The following KLHL13 variants were observed in gnomAD, a reference collection of about 807,000 sequenced individuals.
The protein encoded by KLHL13 is kelch like family member 13.
Under a neutral mutation model 37.1 loss-of-function variants are expected in KLHL13, and 10 were observed. The ratio of observed to expected loss-of-function variants is 0.27; its 90% CI spans 0.17 to 0.46. The LOEUF is 0.46. Among genes scored for constraint, KLHL13 ranks in the 20% least tolerant of loss-of-function variants. The pLI, the probability that KLHL13 is intolerant of heterozygous loss-of-function variation, is 1.00. For missense variants in KLHL13, 360 were observed against 509.3 expected (o/e 0.71, Z 2.82); for synonymous variants, 163 against 181.2 (o/e 0.90, Z 0.81).
At chrX:117,909,277 T>C (rs367943538) in intron 5 of KLHL13, 24 bp downstream of exon 6, 10 of 1,114,662 alleles carry the variant, frequency 9.0e-6, no homozygotes, top group Non-Finnish European at 1.2e-5. Context: ...AATTTGTCTC[T>C]ATGCTTAATA....
chrX:118,022,537 G>C (rs2054228916), intron 1 of KLHL13, among the ~76,000 whole-genome samples: 1 of 111,787 alleles, frequency 8.9e-6, no homozygotes, highest in Non-Finnish European at 1.9e-5. Flanking sequence ...AACCTAATAG[G>C]TGCAAGGTGA....
chrX:118,095,136 C>A (rs745774153), intron 1 of KLHL13, among the ~76,000 whole-genome samples: 1 of 111,435 alleles, frequency 9.0e-6, no homozygotes, highest in South Asian at 3.8e-4. Flanking sequence ...GTGCTGCATT[C>A]AGGAAATGCA....
chrX:117,930,321 G>GC (rs1289022555), intron 2 of KLHL13, among the ~76,000 whole-genome samples: 87 of 104,674 alleles, frequency 8.3e-4, no homozygotes, highest in African/African-American at 2.8e-3. Context: ...AGGCAGGCAG[G>GC]AAGGCAGGAA....
intron 1 of KLHL13, among the ~76,000 whole-genome samples, chrX:118,094,222 C>G (rs1272442417): frequency 9.0e-6 from 1 of 111,000 alleles, no homozygotes; most frequent in Non-Finnish European, 1.9e-5. Flanking sequence ...AAAACCACGG[C>G]ATGAGAAATA....
At chrX:118,041,293 A>G (rs745415726) in intron 1 of KLHL13, among the ~76,000 whole-genome samples, 14 of 112,168 alleles carry the variant, frequency 1.2e-4, no homozygotes, top group African/African-American at 4.5e-4. Flanking sequence ...TTGGGGGACC[A>G]AGGTGGGTGG....
chrX:117,992,542 C>A (rs2053806347), intron 1 of KLHL13, among the ~76,000 whole-genome samples: 1 of 110,862 alleles, frequency 9.0e-6, no homozygotes, highest in Admixed American at 9.6e-5. Context: ...CCCATCAACA[C>A]ACATACACAC....
rs1052703959 is a variant in KLHL13 at position 118,051,777 on chromosome X, T to C, written c.-56+64731A>G. ...TTCCCTAAAAGAGTCAGATTTTTTG[T>C]GGAGAAGGTGGACATTTTGTACGTT... On this transcript the variant is annotated intron_variant, in intron 1 of 6. Transcript: ENST00000371882. Among the ~76,000 whole-genome samples, 5 of 110,562 alleles carry C rather than the reference T, an allele frequency of 4.5e-5. No individual in the cohort carries two copies. The Admixed American group carries it at 4.8e-4, about 11-fold the overall frequency.
chrX:117,924,093 C>G (rs761097739), intron 2 of KLHL13, among the ~76,000 whole-genome samples: 11 of 112,090 alleles, frequency 9.8e-5, no homozygotes, highest in Non-Finnish European at 2.1e-4. Flanking sequence ...AATGACCCCA[C>G]TATCCAATTC....
chrX:118,088,835 G>T (rs2148144336), intron 1 of KLHL13, among the ~76,000 whole-genome samples: 1 of 111,462 alleles, frequency 9.0e-6, no homozygotes, highest in Admixed American at 9.6e-5. Context: ...ACATAAAATG[G>T]TTCTGAAAGG....
chrX:118,106,129 C>T (rs1316325881), intron 1 of KLHL13, among the ~76,000 whole-genome samples: 1 of 105,318 alleles, frequency 9.5e-6, no homozygotes, highest in African/African-American at 3.5e-5. Context: ...GATCTCCTGA[C>T]CTCGTGATCC....
intron 1 of KLHL13, among the ~76,000 whole-genome samples, chrX:118,072,269 C>T (rs1222224422): frequency 1.8e-5 from 2 of 112,287 alleles, no homozygotes; most frequent in African/African-American, 3.2e-5. Flanking sequence ...GGAAAACTGG[C>T]TAGCCATATG....
intron 2 of KLHL13, among the ~76,000 whole-genome samples, chrX:117,939,145 G>A (rs1014297349): frequency 9.1e-6 from 1 of 109,942 alleles, no homozygotes; most frequent in African/African-American, 3.3e-5. Context: ...CTGTGTCCAC[G>A]TGTTCTCATT....
intron 1 of KLHL13, chrX:118,028,426 G>A (rs1381907632): frequency 2.1e-5 from 23 of 1,110,668 alleles, no homozygotes; most frequent in Non-Finnish European, 1.3e-5. Flanking sequence ...AAATATACCG[G>A]TTACGAAGTA....
intron 4 of KLHL13, among the ~76,000 whole-genome samples, chrX:117,916,178 C>CA (rs201725752): frequency 0.19 from 19,443 of 100,177 alleles, 1,676 homozygotes; most frequent in South Asian, 0.34. Flanking sequence ...AACAAACAAA[C>CA]AAAAAAAAAA....
chrX:118,095,484 A>G (rs1179727256), intron 1 of KLHL13, among the ~76,000 whole-genome samples: 2 of 111,292 alleles, frequency 1.8e-5, no homozygotes, highest in East Asian at 5.6e-4. Context: ...CAGATTAACG[A>G]GACAGAAAGT....
intron 1 of KLHL13, among the ~76,000 whole-genome samples, chrX:118,090,136 T>C (rs1042905974): frequency 2.8e-5 from 3 of 107,617 alleles, no homozygotes; most frequent in Non-Finnish European, 3.8e-5. Flanking sequence ...CTAAAATTAA[T>C]TCAAGATGGA....
chrX:118,047,123 C>T (rs2054569226), intron 1 of KLHL13, among the ~76,000 whole-genome samples: 1 of 111,508 alleles, frequency 9.0e-6, no homozygotes, highest in Admixed American at 9.5e-5. Context: ...ACTGGGTAGC[C>T]ATTTGGTTGT....
intron 1 of KLHL13, among the ~76,000 whole-genome samples, chrX:118,004,554 G>A (rs1243009002): frequency 2.7e-5 from 3 of 111,586 alleles, no homozygotes; most frequent in South Asian, 7.6e-4. Context: ...GCTTGAAGGG[G>A]ATCATACAAA....
chrX:117,986,944 G>A (rs903167098), intron 1 of KLHL13, among the ~76,000 whole-genome samples: 38 of 111,393 alleles, frequency 3.4e-4, no homozygotes, highest in African/African-American at 9.8e-4. Context: ...TAAGTAAGCA[G>A]GTCCCTGAAA....
Sources: allele counts gnomAD v4.1 joint callset (sites outside exome capture counted in the v4.1 genomes callset), GRCh38; gene constraint gnomAD v4.1.1; transcripts MANE v1.5; gene names NCBI Gene and HGNC (gene_info 2026-07-23, HGNC 2026-07-21).